The following CTTNBP2NL variants were observed in gnomAD, a reference collection of about 807,000 sequenced individuals.
CTTNBP2NL encodes CTTNBP2 N-terminal-like protein.
Under a neutral mutation model 32.5 loss-of-function variants are expected in CTTNBP2NL, and 16 were observed. That is an observed-to-expected ratio of 0.49 (90% CI 0.33 to 0.75). The LOEUF (loss-of-function observed/expected upper bound fraction) is 0.75. Among genes scored for constraint, CTTNBP2NL ranks in the 30% least tolerant of loss-of-function variants. CTTNBP2NL has a pLI of 0.02. For missense variants in CTTNBP2NL, 645 were observed against 756.0 expected, an observed-to-expected ratio of 0.85 and a Z score of 1.72; for synonymous variants, 298 against 289.4, an observed-to-expected ratio of 1.03 and a Z score of -0.30.
chr1:112,430,510 T>G (rs900107376), intron 3 of CTTNBP2NL, among the ~76,000 whole-genome samples: 1 of 150,748 alleles, frequency 6.6e-6, no homozygotes, highest in Non-Finnish European at 1.5e-5. Flanking sequence ...AGTGCTGGGA[T>G]TACAGGCGTG....
chr1:112,414,007 C>T (rs1648977664), intron 2 of CTTNBP2NL, among the ~76,000 whole-genome samples: 1 of 151,762 alleles, frequency 6.6e-6, no homozygotes, highest in Non-Finnish European at 1.5e-5. Context: ...AAGACTGCAC[C>T]ATTGCTCTCC....
rs187278703 is a variant in CTTNBP2NL at position 112,447,068 on chromosome 1, A to G, written c.100-1874A>G. Among the ~76,000 whole-genome samples, 265 of 152,048 alleles carry G rather than the reference A, an allele frequency of 1.7e-3. 1 individual carries two copies. The highest frequency in any genetic ancestry group is 5.2e-3 in the African/African-American group (215 of 41,502). On this transcript the variant is annotated intron_variant, in intron 3 of 5. Transcript: ENST00000271277. ...GGCGGGTGGATCACGAGGTCGGGAG[A>G]TCGAGACCATCCTGGCTAACATGGT...
chr1:112,394,219 A>G (rs1056374701), upstream of CTTNBP2NL, among the ~76,000 whole-genome samples: 47 of 152,008 alleles, frequency 3.1e-4, no homozygotes, highest in South Asian at 8.3e-4. Flanking sequence ...AAAAAAAAAA[A>G]AAAAGAAAAG....
chr1:112,406,633 G>A (rs902419693), intron 1 of CTTNBP2NL, among the ~76,000 whole-genome samples: 12 of 152,040 alleles, frequency 7.9e-5, no homozygotes, highest in African/African-American at 2.9e-4. Context: ...ACACTGTCTG[G>A]CATACATTAA....
In CTTNBP2NL at chr1:112,448,973, G is replaced by A. The variant is rs1650134899; in HGVS notation, c.131G>A (p.Arg44His). 3.1e-6 allele frequency: 5 copies of A among 1,611,564 alleles called. No individual in the cohort carries two copies. Among genetic ancestry groups the A allele is most frequent in the Non-Finnish European group, 4.2e-6 (5 of 1,177,826 alleles). Reference sequence around the variant, plus strand: ...CACAGAGATACTTTCATTGAAGAACGCTATGGAAAATATAACATCAGTGAT... The same window carrying A: ...CACAGAGATACTTTCATTGAAGAACACTATGGAAAATATAACATCAGTGAT... ...AQHRDTFIEE[R>H]YGKYNISDPL... The change falls in exon 4 of 6, where the codon CGC becomes CAC. Residue 44 changes from arginine (R) to histidine (H), a missense_variant. By Grantham distance (29) the Arg-to-His change is conservative. Coordinates refer to ENST00000271277, the MANE Select transcript of CTTNBP2NL (RefSeq NM_018704.3).
intron 3 of CTTNBP2NL, among the ~76,000 whole-genome samples, chr1:112,442,431 G>A (rs1649921961): frequency 6.6e-6 from 1 of 152,096 alleles, no homozygotes; most frequent in African/African-American, 2.4e-5. Context: ...TATATTCAGA[G>A]CATTCTCCCT....
chr1:112,441,127 T>C (rs1649879280), intron 3 of CTTNBP2NL, among the ~76,000 whole-genome samples: 2 of 152,190 alleles, frequency 1.3e-5, no homozygotes, highest in African/African-American at 4.8e-5. Flanking sequence ...GATGCACACA[T>C]CCACATAACC....
chr1:112,443,416 G>A (rs1453867628), intron 3 of CTTNBP2NL, among the ~76,000 whole-genome samples: 1 of 152,166 alleles, frequency 6.6e-6, no homozygotes, highest in Non-Finnish European at 1.5e-5. Context: ...GTTTCACCAT[G>A]TTGGCCAGGC....
rs182432928 is a variant in CTTNBP2NL at position 112,459,575 on chromosome 1, A to G, written c.*2163A>G. On this transcript the variant is annotated 3_prime_UTR_variant, in exon 6 of 6. Transcript: ENST00000271277. ...ATAAAGGCAAATACATGAAAAATAAAAATGCTACTAATGCCCCAAGGTGTC... is the reference window on the plus strand; with the variant it reads ...ATAAAGGCAAATACATGAAAAATAAGAATGCTACTAATGCCCCAAGGTGTC... 2.0e-5 allele frequency: 3 copies of G among 152,356 alleles called. No homozygotes were observed. Among genetic ancestry groups the G allele is most frequent in the East Asian group, 1.9e-4 (1 of 5,192 alleles). The allele number at this position is 152,356 out of a possible 1,614,324, so 9.4% of individuals were successfully genotyped here.
At chr1:112,453,234 G>T (rs1650274552) in intron 4 of CTTNBP2NL, among the ~76,000 whole-genome samples, 3 of 151,948 alleles carry the variant, frequency 2.0e-5, no homozygotes, top group South Asian at 4.2e-4. Flanking sequence ...GGGATTACAG[G>T]CATGAGCTCA....
Position 112,452,335 on chromosome 1 carries a change from C to CTTCTTTTTTTTTTTTT in CTTNBP2NL, c.331-2112_331-2111insCTTTTTTTTTTTTTTT, listed in dbSNP as rs1553227272. On this transcript the variant is annotated intron_variant, in intron 4 of 5. Coordinates refer to ENST00000271277, the MANE Select transcript of CTTNBP2NL (RefSeq NM_018704.3). ...GCATACACCACAGCACCAGTCTCTT[C>CTTCTTTTTTTTTTTTT]TTTTTTTTTTTTTTTTTTTTTTTTT... is the stretch of plus-strand genomic sequence containing the variant. 3.0e-4 allele frequency among the ~76,000 whole-genome samples: 20 copies of CTTCTTTTTTTTTTTTT among 65,720 alleles called. 1 individual carries two copies. Among genetic ancestry groups the CTTCTTTTTTTTTTTTT allele is most frequent in the African/African-American group, 1.2e-3 (20 of 16,412 alleles). 43.1% of individuals were successfully genotyped at this position (65,720 alleles called of 152,430 possible).
chr1:112,449,199 AT>A, intron 4 of CTTNBP2NL, 27 bp downstream of exon 4: 1 of 1,336,186 alleles, frequency 7.5e-7, no homozygotes, highest in Non-Finnish European at 1.1e-6. Context: ...TGATGTGTAA[AT>A]CTTTGTGAAG....
upstream of CTTNBP2NL, among the ~76,000 whole-genome samples, chr1:112,392,651 G>A (rs537033879): frequency 6.0e-4 from 91 of 152,162 alleles, no homozygotes; most frequent in African/African-American, 1.9e-3. Context: ...ACATGAGTGG[G>A]GCCTTTATAA....
intron 1 of CTTNBP2NL, among the ~76,000 whole-genome samples, chr1:112,402,125 A>G (rs1477282750): frequency 6.6e-6 from 1 of 152,170 alleles, no homozygotes; most frequent in Non-Finnish European, 1.5e-5. Context: ...CACCATAGAA[A>G]GGTGAGAGCC....
intron 3 of CTTNBP2NL, among the ~76,000 whole-genome samples, chr1:112,443,949 G>C (rs1389770767): frequency 3.3e-5 from 5 of 152,208 alleles, no homozygotes; most frequent in Admixed American, 3.3e-4. Context: ...CAGTGTGCAT[G>C]TGATAATGAT....
chr1:112,455,917 C>CT lies in CTTNBP2NL; in HGVS notation c.439-5dup, dbSNP rs201085546. On this transcript the variant is annotated splice_polypyrimidine_tract_variant and intron_variant, in intron 5 of 5. Transcript: ENST00000271277. ...CAGTTTGTCAGTATGTCTCTCTTTT[C>CT]TTTTTTTTTCTAGTTGGAATTTGAA... The CT allele has an allele frequency of 0.033, 51,394 of 1,542,096 alleles. 757 individuals are homozygous for CT. Among genetic ancestry groups the CT allele is most frequent in the Non-Finnish European group, 0.039 (44,722 of 1,139,162 alleles).
chr1:112,454,792 C>T (rs1047158742), intron 5 of CTTNBP2NL, among the ~76,000 whole-genome samples: 2 of 152,152 alleles, frequency 1.3e-5, no homozygotes, highest in Non-Finnish European at 2.9e-5. Context: ...TTTAGCAAAT[C>T]CATGGTTTTA....
Position 112,456,312 on chromosome 1 carries a change from GT to G in CTTNBP2NL, c.821del (p.Val274GlyfsTer4). 1.9e-6 allele frequency: 3 copies of G among 1,614,054 alleles called. No homozygotes were observed. The highest frequency in any genetic ancestry group is 2.5e-6 in the Non-Finnish European group (3 of 1,180,030). Reference sequence around the variant, plus strand: ...AGAAATGGAAAGTTTAAAGAAGATAGTGAAGGACCTAGAGGCTTCCCACCAG... The same window carrying G: ...AGAAATGGAAAGTTTAAAGAAGATAGGAAGGACCTAGAGGCTTCCCACCAG... ...KEEMESLKKI[V>X]KDLEASHQHS... On this transcript the variant is annotated frameshift_variant, in exon 6 of 6. Coordinates refer to ENST00000271277, the MANE Select transcript of CTTNBP2NL (RefSeq NM_018704.3). LOFTEE classifies it low-confidence loss of function (END_TRUNC).
rs755688122 is a variant in CTTNBP2NL at position 112,457,157 on chromosome 1, G to T, written c.1665G>T (p.Val555=). 3.1e-6 allele frequency: 5 copies of T among 1,614,042 alleles called. No homozygotes were observed. In the African/African-American group the frequency reaches 4.0e-5, roughly 13 times the overall value. Residue 555 remains valine (V), a synonymous_variant, in exon 6 of 6, where the codon GTG becomes GTT. Transcript: ENST00000271277. ...GCCATTCACCTACTCCAGGGAAAGTGTCCAGTCCCCTGAGCCCCCTGTCTC... is the reference window on the plus strand; with the variant it reads ...GCCATTCACCTACTCCAGGGAAAGTTTCCAGTCCCCTGAGCCCCCTGTCTC... The part of the protein sequence containing the change: ...DTSHSPTPGK[V]SSPLSPLSPG...
Sources: allele counts gnomAD v4.1 joint callset (sites outside exome capture counted in the v4.1 genomes callset), GRCh38; gene constraint gnomAD v4.1.1; transcripts MANE v1.5; gene names NCBI Gene and HGNC (gene_info 2026-07-23, HGNC 2026-07-21).